TSGA10: variants seen among roughly 807,000 people sequenced by gnomAD.
The protein encoded by TSGA10 is testis-specific gene 10 protein.
In TSGA10, 43 loss-of-function variants were observed where a neutral mutation model predicts 96.6. The observed-to-expected ratio is 0.44, with a 90% confidence interval of 0.35 to 0.57. TSGA10 has a LOEUF of 0.57. Ranked by LOEUF, TSGA10 falls within the 20% of genes least tolerant of loss-of-function variation. The pLI, the probability that TSGA10 is intolerant of heterozygous loss-of-function variation, is 0.01. For synonymous variants in TSGA10, 229 were observed against 269.9 expected, an observed-to-expected ratio of 0.85 and a Z score of 1.48; for missense variants, 703 against 834.4, an observed-to-expected ratio of 0.84 and a Z score of 1.94.
intron 16 of TSGA10, among the ~76,000 whole-genome samples, chr2:99,041,339 G>C (rs936434311): frequency 3.9e-5 from 6 of 152,118 alleles, no homozygotes; most frequent in African/African-American, 1.4e-4. Flanking sequence ...CTATTTCTTT[G>C]CGACACCAGG....
chr2:99,101,453 C>T (rs1349752963), intron 10 of TSGA10, among the ~76,000 whole-genome samples: 2 of 151,974 alleles, frequency 1.3e-5, no homozygotes, highest in Non-Finnish European at 2.9e-5. Context: ...CAGGCATGAG[C>T]CACTGTCCCC....
chr2:99,143,458 C>CTT (rs772829065), intron 1 of TSGA10, among the ~76,000 whole-genome samples: 5 of 141,200 alleles, frequency 3.5e-5, no homozygotes, highest in Non-Finnish European at 7.8e-5. Flanking sequence ...TGCGCCCAGA[C>CTT]TTTTTTTTTT....
At chr2:99,077,127 C>CTTTTTTTTTTT (rs35876721) in intron 12 of TSGA10, among the ~76,000 whole-genome samples, 1 of 70,460 alleles carries the variant, frequency 1.4e-5, no homozygotes, top group African/African-American at 5.6e-5. Flanking sequence ...GACCATTCAC[C>CTTTTTTTTTTT]TTTTTTTTTT....
intron 10 of TSGA10, among the ~76,000 whole-genome samples, chr2:99,094,093 G>A (rs1321089808): frequency 1.3e-5 from 2 of 151,990 alleles, no homozygotes; most frequent in Non-Finnish European, 2.9e-5. Flanking sequence ...GCAGAAATAA[G>A]GCCAAATGCT....
chr2:99,035,201 T>C (rs776204110), intron 17 of TSGA10, 29 bp downstream of exon 17: 1 of 1,511,156 alleles, frequency 6.6e-7, no homozygotes, highest in Non-Finnish European at 9.0e-7. Context: ...TAATAGCAAT[T>C]TTAAAGATTT....
intron 16 of TSGA10, among the ~76,000 whole-genome samples, chr2:99,062,811 A>G (rs555314383): frequency 1.3e-5 from 2 of 152,340 alleles, no homozygotes; most frequent in African/African-American, 4.8e-5. Context: ...CTGAATGGCA[A>G]TGAAAGGATT....
At chr2:99,014,312 G>A (rs1047106254) in intron 20 of TSGA10, among the ~76,000 whole-genome samples, 23 of 152,260 alleles carry the variant, frequency 1.5e-4, no homozygotes, top group Non-Finnish European at 2.6e-4. Flanking sequence ...TCCAGCCTGA[G>A]CAACAGAGCA....
chr2:99,091,009 A>C (rs1282774859), intron 10 of TSGA10, among the ~76,000 whole-genome samples: 1 of 152,194 alleles, frequency 6.6e-6, no homozygotes, highest in Non-Finnish European at 1.5e-5. Context: ...AAAGAATATT[A>C]AGAGCTGTGA....
chr2:99,118,398 C>A (rs1475381742), intron 3 of TSGA10, among the ~76,000 whole-genome samples, 153 bp downstream of exon 3: 1 of 149,708 alleles, frequency 6.7e-6, no homozygotes, highest in Non-Finnish European at 1.5e-5. Context: ...TTGCACTGAG[C>A]CCAGATCCTG....
Position 99,018,336 on chromosome 2 carries a change from G to T in TSGA10, c.1936C>A (p.Gln646Lys). 1.2e-6 allele frequency: 2 copies of T among 1,614,080 alleles called. No individual in the cohort carries two copies. The highest frequency in any genetic ancestry group is 1.7e-6 in the Non-Finnish European group (2 of 1,180,004). Residue 646 changes from glutamine to lysine, a missense_variant, in exon 20 of 21, where the codon CAA becomes AAA. Gln to Lys is a moderately conservative substitution (Grantham distance 53). Around this residue, in one of 3 missense-constraint regions of TSGA10, gnomAD observed 69 missense variants for 81.3 expected, o/e 0.85. Transcript: ENST00000393483. ...TERFERERAV[Q>K]ELRRQNYSSN... The stretch of plus-strand genomic sequence containing the variant: ...GAATAATTTTGGCGGCGAAGTTCTT[G>T]TACGGCCCTCTCCCTAAAGCAAAAT...
intron 17 of TSGA10, 48 bp from the exon 18 acceptor site, chr2:99,020,530 T>A: frequency 7.2e-7 from 1 of 1,389,786 alleles, no homozygotes; most frequent in Non-Finnish European, 1.0e-6. Context: ...TTAATTCACT[T>A]AACTATTATA....
At chr2:99,049,792 C>T (rs909943113) in intron 16 of TSGA10, among the ~76,000 whole-genome samples, 4 of 151,242 alleles carry the variant, frequency 2.6e-5, no homozygotes, top group Non-Finnish European at 5.9e-5. Flanking sequence ...GAGAGCATGC[C>T]TTGTTGGCAG....
At chr2:99,131,093 G>C (rs2093059228) in intron 1 of TSGA10, among the ~76,000 whole-genome samples, 1 of 152,054 alleles carries the variant, frequency 6.6e-6, no homozygotes, top group Non-Finnish European at 1.5e-5. Context: ...CGTTCTTTTT[G>C]CTTAGGATTG....
intron 20 of TSGA10, among the ~76,000 whole-genome samples, chr2:99,014,813 A>C (rs2079353385): frequency 6.6e-6 from 1 of 152,172 alleles, no homozygotes; most frequent in African/African-American, 2.4e-5. Context: ...GAGATATTAC[A>C]ACCAATACCA....
At chr2:99,123,129 C>A (rs2092663828) in intron 2 of TSGA10, among the ~76,000 whole-genome samples, 1 of 152,174 alleles carries the variant, frequency 6.6e-6, no homozygotes, top group African/African-American at 2.4e-5. Context: ...ACTGCTGTCA[C>A]TTGAATTGGT....
At chr2:99,091,981 A>G (rs978483910) in intron 10 of TSGA10, among the ~76,000 whole-genome samples, 1 of 152,184 alleles carries the variant, frequency 6.6e-6, no homozygotes, top group African/African-American at 2.4e-5. Flanking sequence ...CAGAATATAC[A>G]TTCTATTCAT....
At chr2:99,039,648 G>A (rs1422725224) in intron 16 of TSGA10, among the ~76,000 whole-genome samples, 1 of 151,906 alleles carries the variant, frequency 6.6e-6, no homozygotes, top group Non-Finnish European at 1.5e-5. Context: ...GCCTGCCAAT[G>A]AAGAAAAGTC....
intron 1 of TSGA10, among the ~76,000 whole-genome samples, chr2:99,152,519 A>C (rs1354883102): frequency 6.6e-6 from 1 of 152,226 alleles, no homozygotes; most frequent in Non-Finnish European, 1.5e-5. Flanking sequence ...TCCTGGCCTC[A>C]GGTGATCCTC....
chr2:99,073,178 T>C (rs1248727778), intron 12 of TSGA10, 105 bp from the exon 13 acceptor site: 2 of 746,898 alleles, frequency 2.7e-6, no homozygotes, highest in Non-Finnish European at 4.4e-6. Context: ...GGTTTCCATT[T>C]GGTTTTAAAA....
Sources: allele counts gnomAD v4.1 joint callset (sites outside exome capture counted in the v4.1 genomes callset), GRCh38; gene constraint gnomAD v4.1.1; regional missense constraint gnomAD v4.1.1; transcripts MANE v1.5; gene names NCBI Gene and HGNC (gene_info 2026-07-23, HGNC 2026-07-21).